RBFOX1: variants seen among roughly 807,000 people sequenced by gnomAD.
RBFOX1 encodes the protein RNA binding fox-1 homolog 1.
A neutral mutation model predicts 57.7 loss-of-function variants in RBFOX1; 8 were observed. The ratio of observed to expected loss-of-function variants is 0.14; its 90% CI spans 0.08 to 0.25. RBFOX1 has a LOEUF of 0.25. Among genes scored for constraint, RBFOX1 ranks in the 10% least tolerant of loss-of-function variants. The pLI is 1.00. For synonymous variants in RBFOX1, 326 were observed against 222.4 expected (o/e 1.47, Z -4.15); for missense variants, 611 against 548.5 (o/e 1.11, Z -1.14).
chr16:7,661,363 C>G (rs1272912447), intron 12 of RBFOX1, among the ~76,000 whole-genome samples: 22 of 152,146 alleles, frequency 1.4e-4, no homozygotes, highest in Non-Finnish European at 4.4e-5. Flanking sequence ...TACGTTTCCC[C>G]CCAGCCCTCC....
At chr16:5,936,816 G>C (rs959739057) in intron 4 of RBFOX1, among the ~76,000 whole-genome samples, 2 of 152,142 alleles carry the variant, frequency 1.3e-5, no homozygotes, top group African/African-American at 4.8e-5. Context: ...GCCAAGACAA[G>C]AGCGGCAAAG....
intron 3 of RBFOX1, among the ~76,000 whole-genome samples, chr16:5,626,070 G>A (rs1213937585): frequency 1.3e-5 from 2 of 151,868 alleles, no homozygotes; most frequent in Non-Finnish European, 1.5e-5. Context: ...TAGTACAGAC[G>A]GGTTTCTCCA....
At chr16:6,375,589 C>A (rs970421717) in intron 2 of RBFOX1, among the ~76,000 whole-genome samples, 28 of 152,022 alleles carry the variant, frequency 1.8e-4, no homozygotes, top group African/African-American at 6.8e-4. Context: ...GGATTCTCTG[C>A]CCCTTCTGTA....
At chr16:5,812,347 A>G (rs532877248) in intron 3 of RBFOX1, among the ~76,000 whole-genome samples, 77 of 152,314 alleles carry the variant, frequency 5.1e-4, no homozygotes, top group Non-Finnish European at 1.0e-3. Flanking sequence ...TAACTTTTTA[A>G]GAAACTTCCA....
At chr16:5,506,363 C>A (rs1255966811) in intron 2 of RBFOX1, among the ~76,000 whole-genome samples, 1 of 152,208 alleles carries the variant, frequency 6.6e-6, no homozygotes, top group East Asian at 1.9e-4. Flanking sequence ...CCTTTCTCTC[C>A]CTCTCTGTCC....
chr16:7,082,730 A>G (rs1225742271), intron 4 of RBFOX1, among the ~76,000 whole-genome samples: 2 of 152,184 alleles, frequency 1.3e-5, no homozygotes, highest in Non-Finnish European at 1.5e-5. Flanking sequence ...GCTGTATATA[A>G]TTAATGTATC....
chr16:6,942,899 G>C (rs1445905067), intron 3 of RBFOX1, among the ~76,000 whole-genome samples: 1 of 152,206 alleles, frequency 6.6e-6, no homozygotes, highest in South Asian at 2.1e-4. Flanking sequence ...AGTATACAAA[G>C]TACACAGTTG....
In RBFOX1 at chr16:7,409,012, C is replaced by T. The variant is rs187070969; in HGVS notation, c.28-109135C>T. On this transcript the variant is annotated intron_variant, in intron 4 of 15. Coordinates refer to ENST00000550418, the MANE Select transcript of RBFOX1 (RefSeq NM_018723.4). ...CGCCCGTCAATTCTTCCCCTACTTT[C>T]TCCTGGGCTGGGCTTTTCTTCATGT... Among the ~76,000 whole-genome samples the T allele has an allele frequency of 8.5e-5, 13 of 152,302 alleles. No individual in the cohort carries two copies. The East Asian group carries it at 1.9e-3, about 23-fold the overall frequency.
At chr16:5,685,043 G>C (rs571092467) in intron 3 of RBFOX1, among the ~76,000 whole-genome samples, 1 of 152,096 alleles carries the variant, frequency 6.6e-6, no homozygotes, top group African/African-American at 2.4e-5. Flanking sequence ...CGATAGAAGC[G>C]GTTGTGATTC....
intron 3 of RBFOX1, among the ~76,000 whole-genome samples, chr16:5,726,454 C>A (rs1478805400): frequency 6.6e-6 from 1 of 152,176 alleles, no homozygotes; most frequent in Non-Finnish European, 1.5e-5. Context: ...CACCAGCAAG[C>A]CAGGACCTTC....
At chr16:6,274,512 T>C (rs2075579689) in intron 1 of RBFOX1, among the ~76,000 whole-genome samples, 1 of 152,132 alleles carries the variant, frequency 6.6e-6, no homozygotes, top group Non-Finnish European at 1.5e-5. Context: ...AGATTAGTCA[T>C]TGCCAGGGGT....
At chr16:6,765,457 T>A (rs1232492006) in intron 3 of RBFOX1, among the ~76,000 whole-genome samples, 1 of 152,146 alleles carries the variant, frequency 6.6e-6, no homozygotes, top group African/African-American at 2.4e-5. Flanking sequence ...AATGAAATAA[T>A]CTGTGGAACA....
chr16:5,359,815 G>A (rs1404845030), intron 1 of RBFOX1, among the ~76,000 whole-genome samples: 4 of 152,172 alleles, frequency 2.6e-5, no homozygotes, highest in Non-Finnish European at 2.9e-5. Flanking sequence ...GCATTTAACA[G>A]GGAACTGTGG....
chr16:5,612,354 C>G (rs1249126770), intron 3 of RBFOX1, among the ~76,000 whole-genome samples: 1 of 152,000 alleles, frequency 6.6e-6, no homozygotes, highest in South Asian at 2.1e-4. Context: ...TCCATCCATG[C>G]AATATTGGGA....
At position 5,485,345 on chromosome 16, in the gene RBFOX1, CAAAA is replaced by C. The variant is rs71142624; in HGVS notation, c.258+18111_258+18114del. Among the ~76,000 whole-genome samples, 141 of 51,666 alleles carry C rather than the reference CAAAA, an allele frequency of 2.7e-3. 3 individuals carry two copies. Among genetic ancestry groups the C allele is most frequent in the African/African-American group, 9.5e-3 (138 of 14,490 alleles). 33.9% of individuals were successfully genotyped at this position (51,666 alleles called of 152,430 possible). ...TGGGCGACAGAGCCAGACTCCGTGT[CAAAA>C]AAAAAAAAAAAAAAAAAAAGTGAAT... On this transcript the variant is annotated intron_variant, in intron 2 of 2. Transcript: ENST00000585867.
intron 3 of RBFOX1, among the ~76,000 whole-genome samples, chr16:5,759,683 A>G (rs1307827828): frequency 6.6e-6 from 1 of 152,296 alleles, no homozygotes; most frequent in South Asian, 2.1e-4. Flanking sequence ...AATACCTTGC[A>G]GTGTTTCCCA....
intron 4 of RBFOX1, among the ~76,000 whole-genome samples, chr16:7,128,764 C>T (rs981761171): frequency 3.3e-5 from 5 of 150,810 alleles, no homozygotes; most frequent in African/African-American, 7.3e-5. Context: ...GGGGAAGAAT[C>T]GGAGGCTATT....
At chr16:6,727,734 C>T (rs774328107) in intron 3 of RBFOX1, among the ~76,000 whole-genome samples, 10 of 152,158 alleles carry the variant, frequency 6.6e-5, no homozygotes, top group Non-Finnish European at 2.9e-5. Context: ...GTGAGTCTCT[C>T]CATGAAGTAC....
At chr16:5,515,323 C>T (rs896009706) in intron 2 of RBFOX1, among the ~76,000 whole-genome samples, 2 of 152,226 alleles carry the variant, frequency 1.3e-5, no homozygotes, top group South Asian at 2.1e-4. Flanking sequence ...GAGGCCCCAG[C>T]ACCTGCTGCA....
Sources: allele counts gnomAD v4.1 joint callset (sites outside exome capture counted in the v4.1 genomes callset), GRCh38; gene constraint gnomAD v4.1.1; transcripts MANE v1.5; gene names NCBI Gene and HGNC (gene_info 2026-07-23, HGNC 2026-07-21).